Variants in CDC42BPA observed in about 807,000 individuals in gnomAD.
CDC42BPA encodes the protein CDC42 binding protein kinase alpha, also known as serine/threonine-protein kinase MRCK alpha.
In CDC42BPA, 80 loss-of-function variants were observed where a neutral mutation model predicts 223.5. That is an observed-to-expected ratio of 0.36 (90% CI 0.30 to 0.43). The LOEUF is 0.43. CDC42BPA is among the 20% of genes least tolerant of loss of function. The pLI is 1.00. For missense variants in CDC42BPA, 1,743 were observed against 2,099.9 expected (o/e 0.83, Z 3.32); for synonymous variants, 694 against 718.6 (o/e 0.97, Z 0.55).
Position 227,265,429 on chromosome 1 carries a change from C to T in CDC42BPA, c.179-11274G>A, listed in dbSNP as rs190604237. Reference sequence around the variant, plus strand: ...TAAAAAAAAGTTTCAAAAATTAGGCCGGGCACAGTAGCTCATGCCTGTAAT... The same window carrying T: ...TAAAAAAAAGTTTCAAAAATTAGGCTGGGCACAGTAGCTCATGCCTGTAAT... On this transcript the variant is annotated intron_variant, in intron 1 of 36. Coordinates refer to ENST00000366766, the MANE Select transcript of CDC42BPA (RefSeq NM_001394014.1). Among the ~76,000 whole-genome samples the T allele has an allele frequency of 4.6e-3, 698 of 152,008 alleles. 4 individuals are homozygous for T. Among genetic ancestry groups the T allele is most frequent in the African/African-American group, 0.016 (669 of 41,468 alleles).
Position 227,189,711 on chromosome 1 carries a change from AT to A in CDC42BPA, c.599+4074del, listed in dbSNP as rs370776670. 3.5e-4 allele frequency among the ~76,000 whole-genome samples: 53 copies of A among 152,060 alleles called. No homozygotes were observed. In the South Asian group the frequency reaches 4.2e-3, roughly 12 times the overall value. ...TTGCTCTTGTTAAACCTTTGTGCAA[AT>A]TTTTTCATATGCGAGTTTTTGTGCT... On this transcript the variant is annotated intron_variant, in intron 5 of 36. Coordinates refer to ENST00000366766, the MANE Select transcript of CDC42BPA (RefSeq NM_001394014.1).
At chr1:227,100,703 C>T (rs1304927362) in intron 15 of CDC42BPA, among the ~76,000 whole-genome samples, 1 of 146,004 alleles carries the variant, frequency 6.8e-6, no homozygotes, top group East Asian at 2.0e-4. Flanking sequence ...TCTTAAGTAG[C>T]TCAGATTATA....
intron 5 of CDC42BPA, chr1:227,183,131 T>C (rs973378204): frequency 6.6e-6 from 1 of 152,220 alleles, no homozygotes; most frequent in Non-Finnish European, 1.5e-5. Context: ...TGACTCCCTT[T>C]TATATATACA....
intron 19 of CDC42BPA, 109 bp downstream of exon 19, chr1:227,073,755 C>T: frequency 2.5e-6 from 2 of 809,036 alleles, no homozygotes; most frequent in South Asian, 2.0e-5. Flanking sequence ...ACATATTTGG[C>T]CATCATTTTT....
intron 2 of CDC42BPA, among the ~76,000 whole-genome samples, chr1:227,238,999 A>C (rs954465856): frequency 2.0e-5 from 3 of 152,224 alleles, no homozygotes; most frequent in African/African-American, 7.2e-5. Flanking sequence ...TATAAAACAC[A>C]ACAAACAATA....
Position 227,029,052 on chromosome 1 carries a change from T to C in CDC42BPA, c.4037A>G (p.His1346Arg), listed in dbSNP as rs754380991. 3 of 1,614,022 alleles carry C rather than the reference T, an allele frequency of 1.9e-6. No individual in the cohort carries two copies. The highest frequency in any genetic ancestry group is 2.5e-6 in the Non-Finnish European group (3 of 1,180,042). Reference protein sequence around the residue: ...CQTVTSGKVRHGALTCLCVAM... With the variant: ...CQTVTSGKVRRGALTCLCVAM... ...CACACACAGGCATGTGAGAGCTCCA[T>C]GGCGCACCTTTCCAGAAGTTACGGT... Residue 1346 changes from histidine (H) to arginine (R), a missense_variant, in exon 30 of 37, where the codon CAT (histidine) becomes CGT (arginine). This residue lies in a region of CDC42BPA where 678 missense variants were observed against 777.5 expected (regional missense o/e 0.87). Coordinates refer to ENST00000366766, the MANE Select transcript of CDC42BPA (RefSeq NM_001394014.1).
At chr1:227,161,167 G>A (rs1184419792) in intron 5 of CDC42BPA, among the ~76,000 whole-genome samples, 1 of 152,166 alleles carries the variant, frequency 6.6e-6, no homozygotes, top group Admixed American at 6.5e-5. Context: ...ATTATTTAAA[G>A]CTTTCATTGT....
At chr1:227,070,471 T>C (rs1182730075) in intron 20 of CDC42BPA, among the ~76,000 whole-genome samples, 3 of 151,786 alleles carry the variant, frequency 2.0e-5, no homozygotes, top group African/African-American at 7.2e-5. Context: ...TCTTACAACA[T>C]ACAAATAAAA....
chr1:227,029,385 A>T (rs890754251), intron 29 of CDC42BPA, 135 bp from the exon 30 acceptor site: 35 of 625,460 alleles, frequency 5.6e-5, no homozygotes, highest in Non-Finnish European at 8.7e-5. Context: ...CAGGAAAAAA[A>T]GATTATCCAA....
intron 16 of CDC42BPA, among the ~76,000 whole-genome samples, chr1:227,083,291 A>C (rs1216239352): frequency 6.6e-6 from 1 of 152,002 alleles, no homozygotes; most frequent in African/African-American, 2.4e-5. Flanking sequence ...ATTTTTTTTT[A>C]ACATATGCAG....
intron 1 of CDC42BPA, among the ~76,000 whole-genome samples, chr1:227,277,470 T>A (rs534091326): frequency 6.6e-6 from 1 of 152,332 alleles, no homozygotes; most frequent in East Asian, 1.9e-4. Context: ...CAGACTAATC[T>A]CTCTGGCAAA....
At chr1:227,014,939 A>G (rs999209839) in intron 34 of CDC42BPA, among the ~76,000 whole-genome samples, 10 of 152,184 alleles carry the variant, frequency 6.6e-5, no homozygotes, top group African/African-American at 2.2e-4. Flanking sequence ...TCATATTGTT[A>G]AAACAGAATA....
intron 11 of CDC42BPA, among the ~76,000 whole-genome samples, chr1:227,120,493 T>C (rs1413738768): frequency 6.6e-6 from 1 of 152,252 alleles, no homozygotes; most frequent in Non-Finnish European, 1.5e-5. Flanking sequence ...TTGAATAATT[T>C]GCCTACAGTC....
At chr1:227,204,189 G>A (rs189513196) in intron 3 of CDC42BPA, among the ~76,000 whole-genome samples, 3 of 152,140 alleles carry the variant, frequency 2.0e-5, no homozygotes, top group East Asian at 3.8e-4. Context: ...ATTGCAAAAT[G>A]TAAGAATTCC....
intron 10 of CDC42BPA, among the ~76,000 whole-genome samples, chr1:227,133,070 C>T (rs1452886492): frequency 8.2e-5 from 12 of 145,918 alleles, no homozygotes; most frequent in East Asian, 4.1e-4. Context: ...CCAGCCGCCC[C>T]GTCCGGGAGG....
At chr1:227,034,328 C>T (rs944089763) in intron 26 of CDC42BPA, among the ~76,000 whole-genome samples, 2 of 152,092 alleles carry the variant, frequency 1.3e-5, no homozygotes, top group African/African-American at 2.4e-5. Flanking sequence ...TCTTTCCTCA[C>T]ATTGAAATTA....
intron 1 of CDC42BPA, among the ~76,000 whole-genome samples, chr1:227,281,374 C>T (rs1197775871): frequency 6.6e-6 from 1 of 152,084 alleles, no homozygotes; most frequent in Non-Finnish European, 1.5e-5. Flanking sequence ...CTCCTCAGAG[C>T]ACAGCTCCTA....
At chr1:227,198,376 T>G (rs1286210028) in intron 4 of CDC42BPA, among the ~76,000 whole-genome samples, 2 of 142,912 alleles carry the variant, frequency 1.4e-5, no homozygotes, top group Non-Finnish European at 3.0e-5. Context: ...GAGGGCTGCT[T>G]GAGCCCAGGA....
intron 6 of CDC42BPA, among the ~76,000 whole-genome samples, chr1:227,149,185 T>A (rs899242302): frequency 2.6e-5 from 4 of 152,212 alleles, no homozygotes; most frequent in Admixed American, 2.0e-4. Context: ...TTGACTAATG[T>A]GTGATGAATG....
Sources: gnomAD v4.1 joint callset for allele counts (sites outside exome capture counted in the v4.1 genomes callset) on GRCh38, gnomAD v4.1.1 for gene constraint, gnomAD v4.1.1 regional missense constraint, MANE v1.5 for transcripts, NCBI Gene and HGNC (gene_info 2026-07-23, HGNC 2026-07-21) for gene names.